Variants in ZMAT4 observed in about 807,000 individuals in gnomAD.
ZMAT4 encodes zinc finger matrin-type 4.
A neutral mutation model predicts 28.7 loss-of-function variants in ZMAT4; 17 were observed. The observed-to-expected ratio is 0.59, with a 90% confidence interval of 0.41 to 0.89. ZMAT4 has a LOEUF of 0.89. Among genes scored for constraint, ZMAT4 ranks in the 40% least tolerant of loss-of-function variants. The pLI, the probability that ZMAT4 is intolerant of heterozygous loss-of-function variation, is 0.00. For missense variants in ZMAT4, 240 were observed against 283.8 expected (o/e 0.85, Z 1.11); for synonymous variants, 117 against 109.2 (o/e 1.07, Z -0.44).
intron 1 of ZMAT4, among the ~76,000 whole-genome samples, chr8:40,848,244 C>A (rs1045577581): frequency 5.9e-5 from 9 of 152,170 alleles, no homozygotes; most frequent in African/African-American, 2.2e-4. Context: ...AACACCAGCC[C>A]ATAAGAAAGA....
At chr8:40,593,263 G>C (rs1236961978) in intron 5 of ZMAT4, among the ~76,000 whole-genome samples, 3 of 152,134 alleles carry the variant, frequency 2.0e-5, no homozygotes, top group Admixed American at 2.0e-4. Context: ...GCCTGAAGTG[G>C]ATTGGGCTTC....
chr8:40,643,662 G>T (rs1807157191), intron 5 of ZMAT4, among the ~76,000 whole-genome samples: 2 of 152,120 alleles, frequency 1.3e-5, no homozygotes, highest in South Asian at 4.2e-4. Context: ...GGTGGAGAGA[G>T]GAAGCGAGCC....
chr8:40,644,678 C>T (rs147701813), intron 5 of ZMAT4, among the ~76,000 whole-genome samples: 1 of 152,234 alleles, frequency 6.6e-6, no homozygotes, highest in African/African-American at 2.4e-5. Context: ...CTCCCCACTC[C>T]TTAAGGCTGG....
intron 5 of ZMAT4, among the ~76,000 whole-genome samples, chr8:40,618,670 A>AC (rs1806097859): frequency 6.6e-6 from 1 of 151,698 alleles, no homozygotes; most frequent in Non-Finnish European, 1.5e-5. Flanking sequence ...AAAAAAAAAA[A>AC]AAAGAAATGA....
intron 2 of ZMAT4, among the ~76,000 whole-genome samples, chr8:40,801,406 G>A (rs530430256): frequency 4.0e-4 from 59 of 146,116 alleles, no homozygotes; most frequent in Non-Finnish European, 6.8e-4. Flanking sequence ...GGTGGCTCAC[G>A]CCTGTAATCC....
chr8:40,835,420 G>A (rs1563516588), intron 1 of ZMAT4, among the ~76,000 whole-genome samples: 1 of 152,188 alleles, frequency 6.6e-6, no homozygotes, highest in South Asian at 2.1e-4. Flanking sequence ...ACGGAGAAAA[G>A]CCTACGTGGG....
At chr8:40,837,278 G>A (rs1816529715) in intron 1 of ZMAT4, among the ~76,000 whole-genome samples, 1 of 152,176 alleles carries the variant, frequency 6.6e-6, no homozygotes, top group Non-Finnish European at 1.5e-5. Context: ...GGACGTTGCA[G>A]TCCTGCTCAA....
rs188350603 is a variant in ZMAT4 at position 40,753,989 on chromosome 8, T to C, written c.192+13652A>G. ...GAGATAGAGACCATCCTGGCCAACA[T>C]GGTGAAACTCCATCTCTACTAAAAA... On this transcript the variant is annotated intron_variant, in intron 3 of 6. Transcript: ENST00000297737. 3.7e-4 allele frequency among the ~76,000 whole-genome samples: 57 copies of C among 152,098 alleles called. No individual in the cohort carries two copies. The East Asian group carries it at 9.3e-3, about 25-fold the overall frequency.
At chr8:40,638,421 TAG>T (rs1286259404) in intron 5 of ZMAT4, among the ~76,000 whole-genome samples, 3 of 152,250 alleles carry the variant, frequency 2.0e-5, no homozygotes, top group African/African-American at 7.2e-5. Flanking sequence ...TAATGAGAGA[TAG>T]AGTCTTTCAT....
At chr8:40,844,628 TCC>T (rs1304137601) in intron 1 of ZMAT4, among the ~76,000 whole-genome samples, 1 of 146,028 alleles carries the variant, frequency 6.8e-6, no homozygotes. Flanking sequence ...CCTCTCTCTC[TCC>T]TCTCTCTCTG....
At chr8:40,695,599 G>A (rs1203224509) in intron 4 of ZMAT4, among the ~76,000 whole-genome samples, 1 of 152,188 alleles carries the variant, frequency 6.6e-6, no homozygotes, top group East Asian at 1.9e-4. Context: ...AGTAAAGGCT[G>A]TACTTCGCTT....
At chr8:40,881,985 T>A (rs974324612) in intron 1 of ZMAT4, among the ~76,000 whole-genome samples, 1 of 151,964 alleles carries the variant, frequency 6.6e-6, no homozygotes, top group African/African-American at 2.4e-5. Flanking sequence ...CAGGGCCTAA[T>A]TAGAGGACAC....
chr8:40,821,761 T>C (rs953310087), intron 2 of ZMAT4, among the ~76,000 whole-genome samples: 1 of 152,184 alleles, frequency 6.6e-6, no homozygotes, highest in Non-Finnish European at 1.5e-5. Flanking sequence ...AATATTCAGT[T>C]ATAGAGTTAT....
intron 3 of ZMAT4, among the ~76,000 whole-genome samples, chr8:40,724,106 T>C (rs1811223578): frequency 6.6e-6 from 1 of 152,156 alleles, no homozygotes; most frequent in Non-Finnish European, 1.5e-5. Context: ...CCACTGCACT[T>C]AGATTTCTCT....
chr8:40,652,167 T>G (rs1040630399), intron 5 of ZMAT4, among the ~76,000 whole-genome samples: 13 of 116,370 alleles, frequency 1.1e-4, no homozygotes, highest in South Asian at 3.2e-4. Flanking sequence ...GGGAGAAAAT[T>G]TTTGCTACCT....
At position 40,893,413 on chromosome 8, in the gene ZMAT4, G is replaced by C. The variant is rs561821372; in HGVS notation, c.-5+4270C>G. 3.3e-5 allele frequency among the ~76,000 whole-genome samples: 5 copies of C among 152,326 alleles called. No homozygotes were observed. In the East Asian group the frequency reaches 7.7e-4, roughly 24 times the overall value. ...CTATATCTAAGGGGACTAAAAGTCAGAAAAGGCACATAAGCACATGCCCAA... is the reference window on the plus strand; with the variant it reads ...CTATATCTAAGGGGACTAAAAGTCACAAAAGGCACATAAGCACATGCCCAA... On this transcript the variant is annotated intron_variant, in intron 1 of 6. Coordinates refer to ENST00000297737, the MANE Select transcript of ZMAT4 (RefSeq NM_024645.3).
intron 2 of ZMAT4, among the ~76,000 whole-genome samples, chr8:40,772,658 G>C (rs1658344230): frequency 6.6e-6 from 1 of 152,178 alleles, no homozygotes; most frequent in African/African-American, 2.4e-5. Context: ...GGCAGGAGAG[G>C]TGTTATCTCA....
chr8:40,581,128 C>T (rs368575486), intron 6 of ZMAT4, 37 bp downstream of exon 6: 32 of 1,551,230 alleles, frequency 2.1e-5, no homozygotes, highest in African/African-American at 6.8e-5. Context: ...AAAATTACAT[C>T]GAAGAAACTG....
At chr8:40,534,027 C>T (rs542026258) in intron 6 of ZMAT4, among the ~76,000 whole-genome samples, 2 of 152,064 alleles carry the variant, frequency 1.3e-5, no homozygotes, top group South Asian at 2.1e-4. Flanking sequence ...CAAATATTCA[C>T]AGCTAAACAG....
Sources: gnomAD v4.1 joint callset for allele counts (sites outside exome capture counted in the v4.1 genomes callset) on GRCh38, gnomAD v4.1.1 for gene constraint, MANE v1.5 for transcripts, NCBI Gene and HGNC (gene_info 2026-07-23, HGNC 2026-07-21) for gene names.